GRID2: variants seen among roughly 807,000 people sequenced by gnomAD.
GRID2 encodes glutamate ionotropic receptor delta type subunit 2.
GRID2 carries 33 observed loss-of-function variants against 114.8 expected under a neutral mutation model. That is an observed-to-expected ratio of 0.29 (90% confidence interval 0.22 to 0.38). The LOEUF (loss-of-function observed/expected upper bound fraction) is 0.38. Among genes scored for constraint, GRID2 ranks in the 10% least tolerant of loss-of-function variants. The pLI is 1.00. For synonymous variants in GRID2, 505 were observed against 449.9 expected (o/e 1.12, Z -1.55); for missense variants, 1,184 against 1,257.7 (o/e 0.94, Z 0.89).
At chr4:92,858,748 G>A (rs1479261915) in intron 2 of GRID2, among the ~76,000 whole-genome samples, 1 of 152,020 alleles carries the variant, frequency 6.6e-6, no homozygotes, top group African/African-American at 2.4e-5. Flanking sequence ...TAGTAGAGAC[G>A]GGGTTTCACC....
intron 2 of GRID2, among the ~76,000 whole-genome samples, chr4:92,752,968 T>C (rs186689624): frequency 2.6e-5 from 4 of 152,312 alleles, no homozygotes; most frequent in African/African-American, 9.6e-5. Context: ...AAAATTGTAT[T>C]TTAATCTTTA....
intron 8 of GRID2, among the ~76,000 whole-genome samples, chr4:93,259,781 CA>C (rs1485108947): frequency 1.3e-5 from 2 of 151,684 alleles, no homozygotes; most frequent in Non-Finnish European, 1.5e-5. Context: ...ACATACATAT[CA>C]TCATTCACCT....
At chr4:93,024,074 A>C (rs1317318388) in intron 2 of GRID2, among the ~76,000 whole-genome samples, 1 of 151,888 alleles carries the variant, frequency 6.6e-6, no homozygotes, top group East Asian at 1.9e-4. Flanking sequence ...ACTATCTGGT[A>C]GGTGCAAAAT....
chr4:92,526,502 C>T (rs951614679), intron 1 of GRID2, among the ~76,000 whole-genome samples: 2 of 152,100 alleles, frequency 1.3e-5, no homozygotes, highest in African/African-American at 4.8e-5. Flanking sequence ...CACAACATGC[C>T]AGGCTAATTT....
chr4:92,897,717 GA>G (rs1390441558), intron 2 of GRID2, among the ~76,000 whole-genome samples: 1 of 152,112 alleles, frequency 6.6e-6, no homozygotes, highest in Admixed American at 6.6e-5. Flanking sequence ...GAGAGGCTTG[GA>G]AATATTGCTG....
chr4:92,560,463 A>T (rs1236559632), intron 1 of GRID2, among the ~76,000 whole-genome samples: 1 of 152,136 alleles, frequency 6.6e-6, no homozygotes, highest in Non-Finnish European at 1.5e-5. Flanking sequence ...CCACATCATG[A>T]ATGTTAAGCA....
At chr4:93,778,075 G>C (rs996216471), downstream of GRID2, among the ~76,000 whole-genome samples, 2 of 152,092 alleles carry the variant, frequency 1.3e-5, no homozygotes, top group African/African-American at 4.8e-5. Flanking sequence ...CATAGTAGGA[G>C]ACCTTTAAGA....
chr4:92,448,531 AG>A (rs1418929441), intron 1 of GRID2, among the ~76,000 whole-genome samples: 1 of 152,184 alleles, frequency 6.6e-6, no homozygotes, highest in Non-Finnish European at 1.5e-5. Flanking sequence ...ATACAAATTA[AG>A]TAACTAGCCC....
chr4:93,591,763 C>T (rs1738348548), intron 13 of GRID2, among the ~76,000 whole-genome samples: 2 of 152,178 alleles, frequency 1.3e-5, no homozygotes, highest in African/African-American at 4.8e-5. Flanking sequence ...AGAGATTCAA[C>T]TTCTTCCTGG....
intron 2 of GRID2, among the ~76,000 whole-genome samples, chr4:92,844,697 C>G (rs1466254345): frequency 3.5e-5 from 5 of 142,446 alleles, no homozygotes; most frequent in Non-Finnish European, 7.6e-5. Context: ...CAGAGCAAGA[C>G]TCTGTCTCAA....
intron 1 of GRID2, among the ~76,000 whole-genome samples, chr4:92,400,019 A>G (rs1374234874): frequency 6.6e-6 from 1 of 152,180 alleles, no homozygotes; most frequent in Non-Finnish European, 1.5e-5. Context: ...CTCATAATGA[A>G]TAAATACAGA....
At chr4:92,617,002 A>G (rs1328645392) in intron 2 of GRID2, among the ~76,000 whole-genome samples, 1 of 151,596 alleles carries the variant, frequency 6.6e-6, no homozygotes, top group Non-Finnish European at 1.5e-5. Flanking sequence ...ACTAATGTAT[A>G]GATCAGGGTG....
intron 2 of GRID2, among the ~76,000 whole-genome samples, chr4:93,001,167 A>G (rs1264206509): frequency 6.6e-6 from 1 of 151,628 alleles, no homozygotes; most frequent in Non-Finnish European, 1.5e-5. Flanking sequence ...TCCTCCCTAT[A>G]TTCAGCATAC....
chr4:93,761,405 G>A (rs1376368527), intron 14 of GRID2, among the ~76,000 whole-genome samples: 1 of 152,100 alleles, frequency 6.6e-6, no homozygotes, highest in Non-Finnish European at 1.5e-5. Context: ...TAGCCAGAAG[G>A]TCATTCTGGC....
chr4:92,632,465 C>G (rs994341710), intron 2 of GRID2, among the ~76,000 whole-genome samples: 1 of 151,956 alleles, frequency 6.6e-6, no homozygotes, highest in African/African-American at 2.4e-5. Flanking sequence ...AAAACCCTGT[C>G]TCTACTAAAA....
chr4:93,581,814 T>A (rs573665698), intron 13 of GRID2, among the ~76,000 whole-genome samples: 1 of 152,278 alleles, frequency 6.6e-6, no homozygotes, highest in South Asian at 2.1e-4. Context: ...TTATGTGATG[T>A]GACACTCAGT....
intron 2 of GRID2, among the ~76,000 whole-genome samples, chr4:92,791,387 A>G (rs1021066085): frequency 2.0e-5 from 3 of 151,856 alleles, no homozygotes; most frequent in Non-Finnish European, 4.4e-5. Context: ...ACTTAAAAAA[A>G]TCACTAATGT....
chr4:93,047,193 G>A (rs1726228588), intron 2 of GRID2, among the ~76,000 whole-genome samples: 1 of 152,008 alleles, frequency 6.6e-6, no homozygotes, highest in African/African-American at 2.4e-5. Context: ...AGGAATGTGT[G>A]GGAAACTGCC....
intron 3 of GRID2, among the ~76,000 whole-genome samples, chr4:93,104,770 G>A (rs1294594602): frequency 2.0e-5 from 3 of 152,142 alleles, no homozygotes; most frequent in African/African-American, 4.8e-5. Context: ...ATAAACATAC[G>A]TGTGCATGTG....
Sources: allele counts gnomAD v4.1 joint callset (sites outside exome capture counted in the v4.1 genomes callset), GRCh38; gene constraint gnomAD v4.1.1; transcripts MANE v1.5; gene names NCBI Gene and HGNC (gene_info 2026-07-23, HGNC 2026-07-21).